Variants in GUCY1A2 observed in about 807,000 individuals in gnomAD.
GUCY1A2 encodes guanylate cyclase soluble subunit alpha-2.
GUCY1A2 carries 27 observed loss-of-function variants against 63.5 expected under a neutral mutation model. The observed-to-expected ratio is 0.43, with a 90% CI of 0.31 to 0.59. The LOEUF (loss-of-function observed/expected upper bound fraction) is 0.59, where lower values mean the gene tolerates loss of function less well. GUCY1A2 is among the 20% of genes least tolerant of loss of function. GUCY1A2 has a pLI of 0.11. For synonymous variants in GUCY1A2, 364 were observed against 343.5 expected, an observed-to-expected ratio of 1.06 and a Z score of -0.66; for missense variants, 768 against 913.3, an observed-to-expected ratio of 0.84 and a Z score of 2.05.
chr11:106,690,689 T>C (rs1862608011), intron 7 of GUCY1A2, among the ~76,000 whole-genome samples: 1 of 152,194 alleles, frequency 6.6e-6, no homozygotes, highest in East Asian at 1.9e-4. Context: ...AACCTGTGCT[T>C]GTACCCCTGA....
chr11:106,826,590 T>C (rs2135433767), intron 4 of GUCY1A2: 1 of 1,602,974 alleles, frequency 6.2e-7, no homozygotes, highest in Non-Finnish European at 8.5e-7. Context: ...TCAGCATTAA[T>C]TCATGATCTG....
intron 4 of GUCY1A2, among the ~76,000 whole-genome samples, chr11:106,893,785 T>G (rs191694244): frequency 3.9e-5 from 6 of 151,948 alleles, no homozygotes; most frequent in African/African-American, 1.4e-4. Flanking sequence ...AGTGCCACAG[T>G]AGAGAAACCT....
intron 4 of GUCY1A2, chr11:106,824,677 C>T (rs1858943751): frequency 1.2e-6 from 1 of 855,334 alleles, no homozygotes; most frequent in Middle Eastern, 3.6e-4. Flanking sequence ...AGATAAAAAA[C>T]TAGACCCCTG....
chr11:106,823,144 G>C (rs1439113876), intron 4 of GUCY1A2, among the ~76,000 whole-genome samples: 1 of 152,036 alleles, frequency 6.6e-6, no homozygotes, highest in Non-Finnish European at 1.5e-5. Flanking sequence ...TTGTCACATG[G>C]GTATTTTGAA....
intron 5 of GUCY1A2, among the ~76,000 whole-genome samples, chr11:106,781,778 G>C (rs1864468996): frequency 6.6e-6 from 1 of 151,336 alleles, no homozygotes; most frequent in Non-Finnish European, 1.5e-5. Flanking sequence ...ATGTTGCCCA[G>C]GCTAGTCTCG....
At chr11:106,855,699 T>G (rs1044936736) in intron 4 of GUCY1A2, among the ~76,000 whole-genome samples, 8 of 152,140 alleles carry the variant, frequency 5.3e-5, no homozygotes, top group African/African-American at 1.9e-4. Context: ...CAACAATTAA[T>G]TGACCATAAA....
At chr11:107,010,602 G>A (rs1412312595) in intron 1 of GUCY1A2, among the ~76,000 whole-genome samples, 1 of 151,990 alleles carries the variant, frequency 6.6e-6, no homozygotes, top group Non-Finnish European at 1.5e-5. Context: ...TCTATCACAG[G>A]CTGGATGAAA....
intron 6 of GUCY1A2, among the ~76,000 whole-genome samples, chr11:106,727,067 G>T (rs1863420726): frequency 6.6e-6 from 1 of 152,166 alleles, no homozygotes; most frequent in African/African-American, 2.4e-5. Context: ...GGGACTGTTG[G>T]TCAGAACAAA....
Position 106,832,221 on chromosome 11 carries a change from G to A in GUCY1A2, c.1207-21743C>T, listed in dbSNP as rs527864626. 1.2e-4 allele frequency among the ~76,000 whole-genome samples: 18 copies of A among 152,144 alleles called. No homozygotes were observed. The South Asian group carries it at 3.3e-3, about 28-fold the overall frequency. On this transcript the variant is annotated intron_variant, in intron 4 of 7. Transcript: ENST00000526355. The stretch of plus-strand genomic sequence containing the variant: ...GTGTAGTTTGCATTCCAGTCAGATG[G>A]TTTTAAAGCCTTTCAAGTATTCTCT...
chr11:106,737,817 G>A (rs1310318801), intron 6 of GUCY1A2, among the ~76,000 whole-genome samples: 1 of 152,082 alleles, frequency 6.6e-6, no homozygotes, highest in Non-Finnish European at 1.5e-5. Context: ...ATTTGGGTTG[G>A]TTCCAAGACT....
intron 3 of GUCY1A2, among the ~76,000 whole-genome samples, chr11:106,967,603 T>A (rs1861142373): frequency 6.6e-6 from 1 of 151,916 alleles, no homozygotes. Context: ...TCTAATTGGG[T>A]GATGCAAATG....
At chr11:106,830,145 T>C (rs778295991) in intron 4 of GUCY1A2, among the ~76,000 whole-genome samples, 1 of 152,238 alleles carries the variant, frequency 6.6e-6, no homozygotes, top group Non-Finnish European at 1.5e-5. Flanking sequence ...ATTTCTCCTT[T>C]ATCATGTGAC....
chr11:106,841,582 T>C (rs1274249338), intron 4 of GUCY1A2, among the ~76,000 whole-genome samples: 1 of 151,950 alleles, frequency 6.6e-6, no homozygotes, highest in Admixed American at 6.6e-5. Flanking sequence ...ACCAAGATCA[T>C]AGTTCTCTGA....
chr11:107,008,776 C>A (rs577886702), intron 1 of GUCY1A2, among the ~76,000 whole-genome samples: 2 of 152,116 alleles, frequency 1.3e-5, no homozygotes, highest in African/African-American at 2.4e-5. Context: ...ACAGAAATCA[C>A]GATATATATA....
At chr11:106,775,404 G>C (rs1220901608) in intron 6 of GUCY1A2, among the ~76,000 whole-genome samples, 6 of 151,818 alleles carry the variant, frequency 4.0e-5, no homozygotes, top group Admixed American at 2.6e-4. Context: ...CATCCTCCAG[G>C]GGGGAATAGT....
intron 4 of GUCY1A2, among the ~76,000 whole-genome samples, chr11:106,882,082 C>A (rs568592183): frequency 6.6e-6 from 1 of 151,952 alleles, no homozygotes; most frequent in East Asian, 1.9e-4. Context: ...CTCCTTCCTT[C>A]CTTCCTTCCT....
intron 7 of GUCY1A2, among the ~76,000 whole-genome samples, chr11:106,692,887 C>A (rs887762681): frequency 4.6e-5 from 7 of 152,184 alleles, no homozygotes; most frequent in African/African-American, 1.7e-4. Flanking sequence ...ACAGAATAAA[C>A]CTTGCTGAAA....
intron 6 of GUCY1A2, among the ~76,000 whole-genome samples, chr11:106,753,443 G>C (rs1423523450): frequency 6.6e-6 from 1 of 152,100 alleles, no homozygotes; most frequent in Non-Finnish European, 1.5e-5. Context: ...CTTTGCCCAC[G>C]CCTATGTCTG....
intron 5 of GUCY1A2, among the ~76,000 whole-genome samples, chr11:106,798,996 T>C (rs1259667164): frequency 6.6e-6 from 1 of 152,192 alleles, no homozygotes; most frequent in Non-Finnish European, 1.5e-5. Context: ...GATGACATGA[T>C]TGTATATTTA....
Sources: gnomAD v4.1 joint callset for allele counts (sites outside exome capture counted in the v4.1 genomes callset) on GRCh38, gnomAD v4.1.1 for gene constraint, MANE v1.5 for transcripts, NCBI Gene and HGNC (gene_info 2026-07-23, HGNC 2026-07-21) for gene names.